The following PDZRN4 variants were observed in gnomAD, a reference collection of about 807,000 sequenced individuals.
The protein encoded by PDZRN4 is PDZ domain containing ring finger 4.
In PDZRN4, 70 loss-of-function variants were observed where a neutral mutation model predicts 99.0. The ratio of observed to expected loss-of-function variants is 0.71; its 90% CI spans 0.58 to 0.86. PDZRN4 has a LOEUF of 0.86. PDZRN4 is among the 40% of genes least tolerant of loss of function. PDZRN4 has a pLI of 0.00. For synonymous variants in PDZRN4, 551 were observed against 501.6 expected (o/e 1.10, Z -1.32); for missense variants, 1,474 against 1,331.2 (o/e 1.11, Z -1.67).
At chr12:41,303,841 T>C (rs941695353) in intron 3 of PDZRN4, among the ~76,000 whole-genome samples, 1 of 152,192 alleles carries the variant, frequency 6.6e-6, no homozygotes, top group Non-Finnish European at 1.5e-5. Context: ...AGATTCTTTA[T>C]TGTCACTCTG....
chr12:41,364,262 A>G (rs1332776632), intron 3 of PDZRN4, among the ~76,000 whole-genome samples: 1 of 152,062 alleles, frequency 6.6e-6, no homozygotes, highest in East Asian at 1.9e-4. Context: ...GTAATCATTT[A>G]CACAGTGTTT....
intron 3 of PDZRN4, among the ~76,000 whole-genome samples, chr12:41,264,326 G>GAATA (rs1566406060): frequency 6.6e-6 from 1 of 152,134 alleles, no homozygotes; most frequent in Non-Finnish European, 1.5e-5. Flanking sequence ...AAATCATTAT[G>GAATA]AATAAAGCAT....
intron 5 of PDZRN4, among the ~76,000 whole-genome samples, chr12:41,516,932 T>G (rs1457202456): frequency 6.6e-6 from 1 of 152,070 alleles, no homozygotes; most frequent in Non-Finnish European, 1.5e-5. Context: ...TTAAGTTTAT[T>G]AAATTGCATG....
chr12:41,358,676 T>G (rs1592026835), intron 3 of PDZRN4, among the ~76,000 whole-genome samples: 1 of 152,116 alleles, frequency 6.6e-6, no homozygotes, highest in East Asian at 1.9e-4. Context: ...TATGTGAAAC[T>G]TGAATATATT....
chr12:41,452,116 CAA>C (rs34095768), intron 3 of PDZRN4, among the ~76,000 whole-genome samples: 14,698 of 142,732 alleles, frequency 0.1, 697 homozygotes, highest in Non-Finnish European at 0.12. Context: ...GAATAAGAGA[CAA>C]AAAAAAAAAA....
chr12:41,533,184 T>C lies in PDZRN4; in HGVS notation c.1204-19472T>C, dbSNP rs1020674304. 5.9e-5 allele frequency among the ~76,000 whole-genome samples: 9 copies of C among 151,900 alleles called. No individual in the cohort carries two copies. The East Asian group carries it at 9.7e-4, about 16-fold the overall frequency. ...GTCAGCTTAACTTTTTCTTTTCTTT[T>C]TTTTTTTTGAGATGGAGTCTCGCTC... is the stretch of plus-strand genomic sequence containing the variant. On this transcript the variant is annotated intron_variant, in intron 5 of 9. Transcript: ENST00000402685.
chr12:41,445,927 CAA>C (rs1328777154), intron 3 of PDZRN4, among the ~76,000 whole-genome samples: 4 of 151,962 alleles, frequency 2.6e-5, no homozygotes, highest in Non-Finnish European at 5.9e-5. Context: ...GCAACGTTTC[CAA>C]AGTCATCAAT....
At chr12:41,516,517 G>C (rs534645123) in intron 5 of PDZRN4, among the ~76,000 whole-genome samples, 7 of 152,078 alleles carry the variant, frequency 4.6e-5, no homozygotes, top group Non-Finnish European at 7.4e-5. Context: ...AATTTGTCTA[G>C]TAATTAGAGG....
chr12:41,510,227 A>C (rs1213127481), intron 5 of PDZRN4, among the ~76,000 whole-genome samples: 1 of 152,156 alleles, frequency 6.6e-6, no homozygotes, highest in Non-Finnish European at 1.5e-5. Context: ...TTTGAAAAAT[A>C]TATTTAAAAC....
intron 3 of PDZRN4, among the ~76,000 whole-genome samples, chr12:41,498,372 G>T (rs1938049165): frequency 6.6e-6 from 1 of 152,102 alleles, no homozygotes; most frequent in African/African-American, 2.4e-5. Context: ...CACATACTGG[G>T]CAATTTATAA....
At chr12:41,211,772 T>C (rs1243033762) in intron 3 of PDZRN4, among the ~76,000 whole-genome samples, 4 of 151,990 alleles carry the variant, frequency 2.6e-5, no homozygotes, top group African/African-American at 4.8e-5. Context: ...TAAAAGCCAC[T>C]TATACTAGCT....
chr12:41,264,585 T>C (rs1021517921), intron 3 of PDZRN4, among the ~76,000 whole-genome samples: 1 of 152,182 alleles, frequency 6.6e-6, no homozygotes, highest in Non-Finnish European at 1.5e-5. Context: ...TTTAGTTCTG[T>C]TTTTTCATTA....
intron 5 of PDZRN4, among the ~76,000 whole-genome samples, chr12:41,517,834 T>A (rs1195996473): frequency 6.6e-6 from 1 of 152,066 alleles, no homozygotes; most frequent in African/African-American, 2.4e-5. Context: ...TCACATGGCC[T>A]CACACTGGTC....
intron 5 of PDZRN4, among the ~76,000 whole-genome samples, chr12:41,546,588 T>C (rs1009586209): frequency 3.3e-5 from 5 of 152,194 alleles, no homozygotes; most frequent in African/African-American, 1.2e-4. Flanking sequence ...TCTTTGCTTC[T>C]TGTGTTTTTC....
At chr12:41,214,672 A>C (rs915803201) in intron 3 of PDZRN4, among the ~76,000 whole-genome samples, 31 of 152,098 alleles carry the variant, frequency 2.0e-4, no homozygotes, top group Non-Finnish European at 4.3e-4. Context: ...GAAATGTTAG[A>C]GTTGAAAGCC....
chr12:41,444,794 C>T (rs1156752413), intron 3 of PDZRN4, among the ~76,000 whole-genome samples: 1 of 151,926 alleles, frequency 6.6e-6, no homozygotes, highest in Non-Finnish European at 1.5e-5. Context: ...GATTTTACAT[C>T]TTGAGCTATG....
At chr12:41,560,942 C>T (rs983156076) in intron 7 of PDZRN4, among the ~76,000 whole-genome samples, 4 of 152,188 alleles carry the variant, frequency 2.6e-5, no homozygotes, top group African/African-American at 9.6e-5. Context: ...CAATAAATTA[C>T]ATTTTAATGA....
chr12:41,305,346 C>T (rs1431118), intron 3 of PDZRN4, among the ~76,000 whole-genome samples: 145,070 of 152,278 alleles, frequency 0.95, 69,527 homozygotes, highest in East Asian at 1. Flanking sequence ...AACAAGTGGA[C>T]TAAAACACTT....
At chr12:41,304,623 C>A (rs553044526) in intron 3 of PDZRN4, among the ~76,000 whole-genome samples, 27 of 152,208 alleles carry the variant, frequency 1.8e-4, no homozygotes, top group Admixed American at 2.6e-4. Flanking sequence ...TGATATCAAC[C>A]CCAATGAGAA....
Sources: gnomAD v4.1 joint callset for allele counts (sites outside exome capture counted in the v4.1 genomes callset) on GRCh38, gnomAD v4.1.1 for gene constraint, MANE v1.5 for transcripts, NCBI Gene and HGNC (gene_info 2026-07-23, HGNC 2026-07-21) for gene names.